The following C8orf34 variants were observed in gnomAD, a reference collection of about 807,000 sequenced individuals.
The protein encoded by C8orf34 is uncharacterized protein C8orf34.
In C8orf34, 65 loss-of-function variants were observed where a neutral mutation model predicts 68.3. The observed-to-expected ratio is 0.95, with a 90% confidence interval of 0.78 to 1.17. C8orf34 has a LOEUF of 1.17. Ranked by LOEUF, C8orf34 falls within the 50% of genes most tolerant of loss-of-function variation. The pLI, the probability that C8orf34 is intolerant of heterozygous loss-of-function variation, is 0.00. For synonymous variants in C8orf34, 244 were observed against 241.2 expected, an observed-to-expected ratio of 1.01 and a Z score of -0.11; for missense variants, 664 against 655.4, an observed-to-expected ratio of 1.01 and a Z score of -0.14.
At chr8:68,604,797 T>C (rs1457046399) in intron 7 of C8orf34, among the ~76,000 whole-genome samples, 1 of 152,106 alleles carries the variant, frequency 6.6e-6, no homozygotes, top group Non-Finnish European at 1.5e-5. Flanking sequence ...TCGAGTTTGG[T>C]GATAACGTTT....
chr8:68,332,002 CAT>C, intron 1 of C8orf34, among the ~76,000 whole-genome samples: 1 of 151,102 alleles, frequency 6.6e-6, no homozygotes, highest in Middle Eastern at 3.4e-3. Flanking sequence ...GCAGACCCCA[CAT>C]GTGTTAGCAG....
chr8:68,793,888 G>A (rs1470676062), intron 12 of C8orf34, among the ~76,000 whole-genome samples: 1 of 152,158 alleles, frequency 6.6e-6, no homozygotes, highest in African/African-American at 2.4e-5. Context: ...AACAGGAAAT[G>A]AGGGGGAGAA....
At chr8:68,571,947 TATC>T (rs1395417058) in intron 7 of C8orf34, among the ~76,000 whole-genome samples, 2 of 152,056 alleles carry the variant, frequency 1.3e-5, no homozygotes, top group African/African-American at 4.8e-5. Flanking sequence ...ATTATGCAAA[TATC>T]ATAGAGTGTA....
rs144058658 is a variant in C8orf34, at chr8:68,676,060, C to T, written c.1242-32934C>T. ...TGTAAATAAATATGCACGCACCTGG[C>T]ATGGCGGAGCATGCATATAATCCCG... On this transcript the variant is annotated intron_variant, in intron 8 of 13. Coordinates refer to ENST00000518698, the MANE Select transcript of C8orf34 (RefSeq NM_052958.4). 7.9e-5 allele frequency among the ~76,000 whole-genome samples: 12 copies of T among 152,270 alleles called. No individual in the cohort carries two copies. The East Asian group carries it at 1.5e-3, about 20-fold the overall frequency.
intron 7 of C8orf34, among the ~76,000 whole-genome samples, chr8:68,617,376 G>C (rs1207448425): frequency 6.6e-6 from 1 of 152,162 alleles, no homozygotes; most frequent in Non-Finnish European, 1.5e-5. Flanking sequence ...TTTCTTCCTA[G>C]CCTCGATGGT....
intron 7 of C8orf34, chr8:68,535,360 A>G: frequency 1.0e-6 from 1 of 983,586 alleles, no homozygotes; most frequent in Non-Finnish European, 1.2e-6. Flanking sequence ...TGTCTTTGTT[A>G]TCTATACCAA....
At chr8:68,753,096 G>A (rs1235776955) in intron 10 of C8orf34, among the ~76,000 whole-genome samples, 3 of 152,216 alleles carry the variant, frequency 2.0e-5, no homozygotes, top group Admixed American at 2.0e-4. Flanking sequence ...TGTCCTTGAA[G>A]GAAAGCTTAA....
chr8:68,500,953 A>G (rs1476495480), intron 5 of C8orf34, among the ~76,000 whole-genome samples: 1 of 152,188 alleles, frequency 6.6e-6, no homozygotes, highest in Non-Finnish European at 1.5e-5. Flanking sequence ...CCATGGCTGA[A>G]CACTTCAAAG....
chr8:68,684,074 C>A (rs979519385), intron 8 of C8orf34, among the ~76,000 whole-genome samples: 6 of 151,994 alleles, frequency 3.9e-5, no homozygotes, highest in Non-Finnish European at 1.5e-5. Context: ...CCTTCTGTTT[C>A]TTTTACTTCC....
At chr8:68,449,758 A>C (rs868409935) in intron 3 of C8orf34, among the ~76,000 whole-genome samples, 4 of 152,154 alleles carry the variant, frequency 2.6e-5, no homozygotes, top group Admixed American at 2.0e-4. Flanking sequence ...TTGCTGGTGA[A>C]GACCCTTGCC....
chr8:68,809,968 A>T (rs935866182), intron 12 of C8orf34, among the ~76,000 whole-genome samples: 2 of 152,250 alleles, frequency 1.3e-5, no homozygotes, highest in Non-Finnish European at 1.5e-5. Context: ...GAGTTAGCAT[A>T]TATTTTAATG....
chr8:68,653,329 C>T (rs985945919), intron 8 of C8orf34, among the ~76,000 whole-genome samples: 1 of 152,190 alleles, frequency 6.6e-6, no homozygotes, highest in Non-Finnish European at 1.5e-5. Flanking sequence ...GAGTCATTCA[C>T]AGTATCTTAC....
chr8:68,525,456 A>T (rs1036916016), intron 6 of C8orf34: 1 of 550,562 alleles, frequency 1.8e-6, no homozygotes, highest in African/African-American at 1.9e-5. Context: ...AGTTCAATCC[A>T]AAACAAATTT....
At chr8:68,537,251 T>C (rs1044533340) in intron 7 of C8orf34, among the ~76,000 whole-genome samples, 3 of 152,038 alleles carry the variant, frequency 2.0e-5, no homozygotes, top group African/African-American at 7.2e-5. Context: ...TCTACCTACC[T>C]ATCCATGTAC....
intron 6 of C8orf34, among the ~76,000 whole-genome samples, chr8:68,524,984 C>T (rs750551134): frequency 5.3e-5 from 8 of 151,990 alleles, no homozygotes; most frequent in Non-Finnish European, 1.2e-4. Context: ...GGCTTTCTTT[C>T]TTAAGTGAAC....
chr8:68,654,595 C>T (rs929245343), intron 8 of C8orf34, among the ~76,000 whole-genome samples: 3 of 151,944 alleles, frequency 2.0e-5, no homozygotes, highest in East Asian at 1.9e-4. Flanking sequence ...ACAAATACAT[C>T]GTATATTATA....
At chr8:68,679,066 C>T (rs546242440) in intron 8 of C8orf34, among the ~76,000 whole-genome samples, 33 of 151,838 alleles carry the variant, frequency 2.2e-4, no homozygotes, top group South Asian at 1.5e-3. Context: ...TTTGGGAGGC[C>T]GAGGTGGGCT....
chr8:68,622,210 A>C (rs534186705), intron 7 of C8orf34, among the ~76,000 whole-genome samples: 3 of 152,246 alleles, frequency 2.0e-5, no homozygotes, highest in Non-Finnish European at 4.4e-5. Context: ...CCAAGAAAGC[A>C]ATAAAGTATG....
intron 7 of C8orf34, among the ~76,000 whole-genome samples, chr8:68,536,480 AC>A (rs1385493124): frequency 2.0e-5 from 3 of 151,572 alleles, no homozygotes; most frequent in Non-Finnish European, 4.4e-5. Context: ...AAGATATTTC[AC>A]CTTGGAAACA....
Sources: gnomAD v4.1 joint callset for allele counts (sites outside exome capture counted in the v4.1 genomes callset) on GRCh38, gnomAD v4.1.1 for gene constraint, MANE v1.5 for transcripts, NCBI Gene and HGNC (gene_info 2026-07-23, HGNC 2026-07-21) for gene names.